Variants in RASGRP3 observed in about 807,000 individuals in gnomAD.
RASGRP3 encodes RAS guanyl releasing protein 3.
RASGRP3 carries 54 observed loss-of-function variants against 82.7 expected under a neutral mutation model. That is an observed-to-expected ratio of 0.65 (90% CI 0.52 to 0.82). The LOEUF (loss-of-function observed/expected upper bound fraction) is 0.82, where lower values mean the gene tolerates loss of function less well. RASGRP3 is among the 40% of genes least tolerant of loss of function. The pLI, the probability that RASGRP3 is intolerant of heterozygous loss-of-function variation, is 0.00. For missense variants in RASGRP3, 861 were observed against 828.9 expected (o/e 1.04, Z -0.48); for synonymous variants, 309 against 300.5 (o/e 1.03, Z -0.29).
At chr2:33,526,274 A>G (rs542929747) in intron 9 of RASGRP3, among the ~76,000 whole-genome samples, 1 of 152,348 alleles carries the variant, frequency 6.6e-6, no homozygotes, top group Admixed American at 6.5e-5. Context: ...TGTCTGAGTC[A>G]CAAGGGCTGC....
At chr2:33,492,085 C>T (rs1668892479) in intron 1 of RASGRP3, among the ~76,000 whole-genome samples, 1 of 152,200 alleles carries the variant, frequency 6.6e-6, no homozygotes, top group Admixed American at 6.5e-5. Flanking sequence ...ATGAAAATTT[C>T]AGTATCTTAA....
Position 33,550,945 on chromosome 2 carries a change from T to C in RASGRP3, c.1542+1194T>C, listed in dbSNP as rs118084777. 1.5e-3 allele frequency among the ~76,000 whole-genome samples: 221 copies of C among 152,312 alleles called. 7 individuals carry two copies. In the East Asian group the frequency reaches 0.033, roughly 23 times the overall value. ...GAAAGCCAGTCTAACTAGCTCTCTT[T>C]ATTCACTGCAGAGAAGGTGAAGTTC... is the stretch of plus-strand genomic sequence containing the variant. On this transcript the variant is annotated intron_variant, in intron 14 of 17. Transcript: ENST00000403687.
intron 1 of RASGRP3, among the ~76,000 whole-genome samples, chr2:33,443,820 A>G (rs745643333): frequency 3.3e-5 from 5 of 151,794 alleles, no homozygotes; most frequent in South Asian, 2.1e-4. Context: ...GTTCAAGTCT[A>G]CAGTGAGCTA....
chr2:33,502,590 A>G (rs1373744804), intron 1 of RASGRP3, among the ~76,000 whole-genome samples: 40 of 148,280 alleles, frequency 2.7e-4, no homozygotes, highest in Admixed American at 2.7e-3. Context: ...ACTGCTCACT[A>G]CAACCTCCGC....
intron 2 of RASGRP3, among the ~76,000 whole-genome samples, chr2:33,454,048 G>A (rs1665925094): frequency 6.6e-6 from 1 of 151,554 alleles, no homozygotes; most frequent in African/African-American, 2.4e-5. Context: ...CTTCTTTTAA[G>A]TAAAAGTTAT....
At chr2:33,487,121 A>G (rs1194189757) in intron 1 of RASGRP3, among the ~76,000 whole-genome samples, 2 of 152,166 alleles carry the variant, frequency 1.3e-5, no homozygotes, top group Non-Finnish European at 2.9e-5. Flanking sequence ...ATATTTCATC[A>G]TTCCATCCGT....
At chr2:33,527,100 A>G (rs377143774) in intron 9 of RASGRP3, 37 bp from the exon 10 acceptor site, 1 of 1,608,176 alleles carries the variant, frequency 6.2e-7, no homozygotes. Context: ...CAGGAGGGAA[A>G]GTTGTTTGAA....
Position 33,441,052 on chromosome 2 carries a change from C to G in RASGRP3, c.-385+4461C>G, listed in dbSNP as rs140338186. Among the ~76,000 whole-genome samples the G allele has an allele frequency of 1.4e-3, 215 of 152,142 alleles. 7 individuals are homozygous for G. The East Asian group carries it at 0.033, about 23-fold the overall frequency. The stretch of plus-strand genomic sequence containing the variant: ...GGACTGCAGGAACACGCCACTGCAC[C>G]CACTAATTTTTGTATTTTTTAGTAG... On this transcript the variant is annotated intron_variant, in intron 1 of 18. Coordinates refer to the RASGRP3 transcript ENST00000402538.
At chr2:33,517,117 C>T (rs1463502514) in intron 4 of RASGRP3, among the ~76,000 whole-genome samples, 1 of 152,194 alleles carries the variant, frequency 6.6e-6, no homozygotes, top group African/African-American at 2.4e-5. Context: ...ACACAATGAA[C>T]ATTCTAGCAG....
chr2:33,500,152 T>A (rs538933736), intron 1 of RASGRP3, among the ~76,000 whole-genome samples: 1 of 152,064 alleles, frequency 6.6e-6, no homozygotes, highest in South Asian at 2.1e-4. Context: ...GAAACCAGAG[T>A]TCCCTTTCAC....
chr2:33,551,188 C>T (rs1000562961), intron 14 of RASGRP3, among the ~76,000 whole-genome samples: 5 of 152,136 alleles, frequency 3.3e-5, no homozygotes, highest in African/African-American at 1.2e-4. Context: ...TGGCAGGTGC[C>T]TGTAATCCTA....
At position 33,539,095 on chromosome 2, in the gene RASGRP3, A is replaced by C. The variant is rs747647775; in HGVS notation, c.1163A>C (p.Gln388Pro). The C allele has an allele frequency of 1.3e-6, 2 of 1,584,868 alleles. No homozygotes were observed. The highest frequency in any genetic ancestry group is 2.3e-5 in the South Asian group (2 of 85,576). The change falls in exon 12 of 18, where the codon CAG becomes CCG. Residue 388 changes from glutamine to proline, a missense_variant and splice_region_variant. Transcript: ENST00000403687. ...TGTGGTTTTTTTTTTGTTTATCAGC[A>C]GCCTACCTCCCCTACGACGCCCAAC... is the stretch of plus-strand genomic sequence containing the variant. ...LVLEPRNSKS[Q>P]PTSPTTPNKP...
intron 11 of RASGRP3, among the ~76,000 whole-genome samples, chr2:33,537,976 T>C (rs1026593024): frequency 1.3e-5 from 2 of 152,204 alleles, no homozygotes; most frequent in African/African-American, 4.8e-5. Flanking sequence ...CTTAAGCGTA[T>C]TGAGCAAGGT....
chr2:33,560,959 T>C (rs947137117), intron 17 of RASGRP3, among the ~76,000 whole-genome samples: 5 of 152,216 alleles, frequency 3.3e-5, no homozygotes, highest in African/African-American at 9.6e-5. Context: ...TATAAGGAAA[T>C]ATAAACAAGT....
At chr2:33,466,225 A>G (rs1011070988) in intron 2 of RASGRP3, among the ~76,000 whole-genome samples, 10 of 152,358 alleles carry the variant, frequency 6.6e-5, no homozygotes, top group Admixed American at 2.0e-4. Flanking sequence ...GTAAATTGAA[A>G]GGAGCAGAAT....
chr2:33,502,605 C>A (rs970435801), intron 1 of RASGRP3, among the ~76,000 whole-genome samples: 2 of 151,680 alleles, frequency 1.3e-5, no homozygotes, highest in Non-Finnish European at 2.9e-5. Context: ...CTCCGCCTCC[C>A]GGGTTCAAGG....
chr2:33,532,522 T>C (rs1315265489), intron 10 of RASGRP3: 2 of 152,206 alleles, frequency 1.3e-5, no homozygotes, highest in Non-Finnish European at 2.9e-5. Context: ...CGCATCCTAC[T>C]TGGCTCTTTT....
At position 33,549,756 on chromosome 2, in the gene RASGRP3, G is replaced by T. The variant is rs1250444073; in HGVS notation, c.1542+5G>T. The T allele has an allele frequency of 6.2e-7, 1 of 1,611,178 alleles. No individual in the cohort carries two copies. The highest frequency in any genetic ancestry group is 2.2e-5 in the East Asian group (1 of 44,796). ...TGCGAACACTGTGCGGGATTTGTAA[G>T]TCTGTTTTCCGTTGTTTTCTTATGT... On this transcript the variant is annotated splice_donor_5th_base_variant and intron_variant, in intron 14 of 17. Transcript: ENST00000403687.
chr2:33,474,623 G>A (rs900178576), upstream of RASGRP3, among the ~76,000 whole-genome samples: 9 of 152,132 alleles, frequency 5.9e-5, no homozygotes, highest in East Asian at 3.9e-4. Context: ...TCTGGCAAGC[G>A]CTGGTCATTT....
Sources: allele counts gnomAD v4.1 joint callset (sites outside exome capture counted in the v4.1 genomes callset), GRCh38; gene constraint gnomAD v4.1.1; transcripts MANE v1.5; gene names NCBI Gene and HGNC (gene_info 2026-07-23, HGNC 2026-07-21).